NCALD: variants seen among roughly 807,000 people sequenced by gnomAD.
NCALD encodes neurocalcin-delta.
A neutral mutation model predicts 18.6 loss-of-function variants in NCALD; 10 were observed. The ratio of observed to expected loss-of-function variants is 0.54; its 90% CI spans 0.33 to 0.91. The LOEUF is 0.91. Among genes scored for constraint, NCALD ranks in the 40% least tolerant of loss-of-function variants. NCALD has a pLI of 0.03. For synonymous variants in NCALD, 88 were observed against 87.4 expected, an observed-to-expected ratio of 1.01 and a Z score of -0.04; for missense variants, 184 against 247.6, an observed-to-expected ratio of 0.74 and a Z score of 1.72.
intron 2 of NCALD, among the ~76,000 whole-genome samples, chr8:101,706,235 G>A (rs1021694309): frequency 1.3e-5 from 2 of 152,060 alleles, no homozygotes; most frequent in South Asian, 4.2e-4. Context: ...TAGCTCTGGT[G>A]ACTGTCTAAA....
intron 4 of NCALD, among the ~76,000 whole-genome samples, chr8:101,821,775 A>G (rs973659553): frequency 6.6e-6 from 1 of 151,442 alleles, no homozygotes; most frequent in Non-Finnish European, 1.5e-5. Flanking sequence ...ACTGGAGTAT[A>G]CGTTGTTTCT....
chr8:102,033,251 AC>A (rs1359142197), intron 1 of NCALD, among the ~76,000 whole-genome samples: 1 of 152,156 alleles, frequency 6.6e-6, no homozygotes, highest in Non-Finnish European at 1.5e-5. Flanking sequence ...GAAGCAGCTA[AC>A]CTGGTAGAAT....
intron 2 of NCALD, among the ~76,000 whole-genome samples, chr8:101,936,599 A>G (rs1318369232): frequency 2.6e-5 from 4 of 152,210 alleles, no homozygotes; most frequent in African/African-American, 9.6e-5. Context: ...TCTTAACCCT[A>G]TTAGATTTGC....
At chr8:101,891,666 C>G (rs61823933) in intron 3 of NCALD, among the ~76,000 whole-genome samples, 1 of 152,216 alleles carries the variant, frequency 6.6e-6, no homozygotes, top group South Asian at 2.1e-4. Flanking sequence ...GCACCGAGTG[C>G]GAGCCGAAGC....
At chr8:101,975,213 T>G (rs545285271) in intron 2 of NCALD, 6 of 152,188 alleles carry the variant, frequency 3.9e-5, no homozygotes, top group African/African-American at 1.2e-4. Flanking sequence ...ATGCCAAGAG[T>G]AAGAAAAAAT....
chr8:101,963,415 T>C (rs1021307919), intron 2 of NCALD, among the ~76,000 whole-genome samples: 3 of 152,146 alleles, frequency 2.0e-5, no homozygotes, highest in African/African-American at 7.2e-5. Context: ...GCACTAGACT[T>C]CCCACTTCTG....
At chr8:102,079,769 T>A (rs1824465932) in intron 1 of NCALD, among the ~76,000 whole-genome samples, 1 of 152,236 alleles carries the variant, frequency 6.6e-6, no homozygotes. Context: ...CTGCAATGCA[T>A]AATTAATAAA....
intron 4 of NCALD, among the ~76,000 whole-genome samples, chr8:101,809,946 C>A (rs1341012726): frequency 1.3e-5 from 2 of 152,298 alleles, no homozygotes; most frequent in South Asian, 2.1e-4. Flanking sequence ...TGAATCATCA[C>A]AAATTCTATT....
chr8:101,768,715 C>CAAAAAACAA (rs1811454711), intron 1 of NCALD, among the ~76,000 whole-genome samples: 5 of 33,338 alleles, frequency 1.5e-4, no homozygotes, highest in East Asian at 2.1e-3. Context: ...TCTCAAAAAA[C>CAAAAAACAA]AAAAAAACAA....
intron 1 of NCALD, among the ~76,000 whole-genome samples, chr8:102,090,444 G>A (rs771873015): frequency 2.6e-5 from 4 of 152,056 alleles, no homozygotes; most frequent in Non-Finnish European, 4.4e-5. Context: ...TGATAACTTC[G>A]GAGACTGTGA....
chr8:101,737,766 C>T (rs1375011462), intron 1 of NCALD, among the ~76,000 whole-genome samples: 3 of 152,214 alleles, frequency 2.0e-5, no homozygotes, highest in Non-Finnish European at 1.5e-5. Context: ...CCAGGGAGCA[C>T]TGAGTGCACC....
intron 2 of NCALD, among the ~76,000 whole-genome samples, chr8:101,991,412 A>C (rs942399866): frequency 6.6e-6 from 1 of 152,206 alleles, no homozygotes; most frequent in Non-Finnish European, 1.5e-5. Context: ...TAATCTCACT[A>C]TCACAGAGAC....
intron 4 of NCALD, among the ~76,000 whole-genome samples, chr8:101,799,839 C>T (rs778363114): frequency 7.2e-5 from 11 of 152,120 alleles, no homozygotes; most frequent in Admixed American, 1.3e-4. Flanking sequence ...CACTGGACAC[C>T]TTCTGTATCT....
intron 2 of NCALD, among the ~76,000 whole-genome samples, chr8:101,978,122 G>C (rs765738551): frequency 2.0e-4 from 30 of 151,668 alleles, no homozygotes; most frequent in Admixed American, 9.2e-4. Context: ...CCCCCGAGAA[G>C]TGCATATGCC....
chr8:102,093,621 G>A (rs1824997181), intron 1 of NCALD, among the ~76,000 whole-genome samples: 1 of 152,144 alleles, frequency 6.6e-6, no homozygotes, highest in African/African-American at 2.4e-5. Context: ...CTGGGACATT[G>A]GCTTGAGCTC....
At position 101,730,041 on chromosome 8, in the gene NCALD, C is replaced by T. The variant is rs185969346; in HGVS notation, c.-19-10393G>A. On this transcript the variant is annotated intron_variant, in intron 1 of 3. Transcript: ENST00000220931. Reference sequence around the variant, plus strand: ...AATGAGAAAGTGAATATCTTCATTCCGATCCGATAGCACTCCATAAAAAGA... The same window carrying T: ...AATGAGAAAGTGAATATCTTCATTCTGATCCGATAGCACTCCATAAAAAGA... Among the ~76,000 whole-genome samples the T allele has an allele frequency of 1.5e-3, 222 of 152,164 alleles. 1 individual carries two copies. The South Asian group carries it at 0.033, about 23-fold the overall frequency.
intron 1 of NCALD, among the ~76,000 whole-genome samples, chr8:102,069,372 CACA>C (rs1313723361): frequency 6.6e-6 from 1 of 151,906 alleles, no homozygotes; most frequent in African/African-American, 2.4e-5. Context: ...TTTAAAGATG[CACA>C]ACAAATAGTG....
chr8:101,876,596 T>C (rs1410593911), intron 4 of NCALD, among the ~76,000 whole-genome samples: 1 of 152,214 alleles, frequency 6.6e-6, no homozygotes, highest in Non-Finnish European at 1.5e-5. Context: ...CTGATCTCTG[T>C]ACTTAAGGGA....
At chr8:101,928,570 T>C (rs139842518) in intron 2 of NCALD, among the ~76,000 whole-genome samples, 1,672 of 152,144 alleles carry the variant, frequency 0.011, 22 homozygotes, top group Middle Eastern at 0.038. Context: ...CCTGCTCGCC[T>C]CTAAATCAAA....
Sources: gnomAD v4.1 joint callset for allele counts (sites outside exome capture counted in the v4.1 genomes callset) on GRCh38, gnomAD v4.1.1 for gene constraint, MANE v1.5 for transcripts, NCBI Gene and HGNC (gene_info 2026-07-23, HGNC 2026-07-21) for gene names.